FKBP5: variants seen among roughly 807,000 people sequenced by gnomAD.
FKBP5 encodes FKBP prolyl isomerase 5.
A neutral mutation model predicts 50.5 loss-of-function variants in FKBP5; 23 were observed. That is an observed-to-expected ratio of 0.46 (90% CI 0.33 to 0.65). The LOEUF (loss-of-function observed/expected upper bound fraction) is 0.65, where lower values mean the gene tolerates loss of function less well. FKBP5 is among the 30% of genes least tolerant of loss of function. The pLI is 0.02. For synonymous variants in FKBP5, 176 were observed against 190.6 expected (o/e 0.92, Z 0.63); for missense variants, 411 against 553.1 (o/e 0.74, Z 2.58).
chr6:35,728,344 C>T (rs1023527193), intron 1 of FKBP5, among the ~76,000 whole-genome samples: 5 of 152,156 alleles, frequency 3.3e-5, no homozygotes, highest in African/African-American at 1.2e-4. Context: ...GGCCGGTTTG[C>T]GCATCCCTCT....
At position 35,579,419 on chromosome 6, in the gene FKBP5, T is replaced by A. The variant is rs1037410073; in HGVS notation, c.1026+617A>T. 4.6e-5 allele frequency among the ~76,000 whole-genome samples: 7 copies of A among 152,144 alleles called. 1 individual carries two copies. The highest frequency in any genetic ancestry group is 1.7e-4 in the African/African-American group (7 of 41,422). On this transcript the variant is annotated intron_variant, in intron 9 of 10. Coordinates refer to ENST00000357266, the MANE Select transcript of FKBP5 (RefSeq NM_004117.4). Reference sequence around the variant, plus strand: ...ACTGTTCACTCTGAGACCAGATACCTAAAATAGTATCGGCTGGTGTATAAA... The same window carrying A: ...ACTGTTCACTCTGAGACCAGATACCAAAAATAGTATCGGCTGGTGTATAAA...
intron 1 of FKBP5, among the ~76,000 whole-genome samples, chr6:35,669,049 T>C (rs1232145982): frequency 1.3e-5 from 2 of 152,210 alleles, no homozygotes; most frequent in Admixed American, 6.5e-5. Context: ...TCAAAAAAAG[T>C]TTGATCAATT....
At chr6:35,675,342 C>T (rs1765498252) in intron 1 of FKBP5, among the ~76,000 whole-genome samples, 1 of 152,120 alleles carries the variant, frequency 6.6e-6, no homozygotes, top group African/African-American at 2.4e-5. Context: ...GAGGCCGAGG[C>T]GGGTGGATCA....
intron 6 of FKBP5, among the ~76,000 whole-genome samples, chr6:35,592,140 G>C (rs1280167428): frequency 6.6e-6 from 1 of 152,204 alleles, no homozygotes; most frequent in African/African-American, 2.4e-5. Flanking sequence ...CCCATTTGTT[G>C]CAAGCAAAGC....
chr6:35,625,667 C>T (rs930999525), intron 3 of FKBP5, among the ~76,000 whole-genome samples: 9 of 147,526 alleles, frequency 6.1e-5, no homozygotes, highest in African/African-American at 1.2e-4. Context: ...ACCCGGGAGG[C>T]GGAGCTTTCA....
chr6:35,634,977 C>A (rs1356585021), intron 3 of FKBP5, among the ~76,000 whole-genome samples: 4 of 144,794 alleles, frequency 2.8e-5, no homozygotes, highest in Non-Finnish European at 6.0e-5. Context: ...ATTGCTTGAG[C>A]CCAGGAGTTC....
intron 2 of FKBP5, among the ~76,000 whole-genome samples, chr6:35,707,476 C>T (rs1379812893): frequency 6.6e-6 from 1 of 152,100 alleles, no homozygotes; most frequent in African/African-American, 2.4e-5. Context: ...CCGCCTCGGC[C>T]TCCCAAAGTG....
At chr6:35,606,956 T>G (rs983875352) in intron 5 of FKBP5, among the ~76,000 whole-genome samples, 2 of 152,200 alleles carry the variant, frequency 1.3e-5, no homozygotes, top group Non-Finnish European at 2.9e-5. Context: ...TTGTTTGTTT[T>G]TTGAGACAGA....
rs149376289 is a variant in FKBP5 at position 35,670,195 on chromosome 6, T to C, written c.-20+18609A>G. Among the ~76,000 whole-genome samples, 73 of 152,336 alleles carry C rather than the reference T, an allele frequency of 4.8e-4. No homozygotes were observed. In the East Asian group the frequency reaches 7.9e-3, roughly 16 times the overall value. On this transcript the variant is annotated intron_variant, in intron 1 of 10. Transcript: ENST00000357266. ...TATAAAAAATGAAGGTTCTAAAAGG[T>C]ATCTTTGCTGTTTTAGAGTTAATTA...
chr6:35,638,013 T>G (rs967262019), intron 2 of FKBP5, among the ~76,000 whole-genome samples: 2 of 152,204 alleles, frequency 1.3e-5, no homozygotes, highest in Non-Finnish European at 2.9e-5. Flanking sequence ...GTAAAAAACA[T>G]GAGTATCATT....
At chr6:35,615,056 G>A (rs376616745) in intron 5 of FKBP5, among the ~76,000 whole-genome samples, 8 of 151,668 alleles carry the variant, frequency 5.3e-5, no homozygotes, top group African/African-American at 1.2e-4. Context: ...CCTGGGAGGC[G>A]GAAGTTGCAG....
chr6:35,648,012 T>C (rs1185599293), intron 1 of FKBP5, among the ~76,000 whole-genome samples: 1 of 152,168 alleles, frequency 6.6e-6, no homozygotes, highest in Non-Finnish European at 1.5e-5. Context: ...GTTTCTTAAG[T>C]ATTTTTCTAA....
chr6:35,615,539 AAAAT>A (rs1176995661), intron 5 of FKBP5, among the ~76,000 whole-genome samples: 1 of 152,246 alleles, frequency 6.6e-6, no homozygotes, highest in African/African-American at 2.4e-5. Flanking sequence ...TGTGAACAAC[AAAAT>A]AAATAAGAAT....
intron 5 of FKBP5, among the ~76,000 whole-genome samples, chr6:35,599,283 G>C (rs1010123583): frequency 1.4e-4 from 21 of 152,028 alleles, no homozygotes; most frequent in Admixed American, 1.3e-3. Context: ...TCTATGACCT[G>C]GTAATATCAC....
chr6:35,633,837 T>G (rs1295146059), intron 3 of FKBP5, among the ~76,000 whole-genome samples: 3 of 152,090 alleles, frequency 2.0e-5, no homozygotes, highest in Admixed American at 2.0e-4. Context: ...TTAAGTGGCT[T>G]ACTCATGTTA....
At chr6:35,616,126 C>T (rs1763647838) in intron 5 of FKBP5, among the ~76,000 whole-genome samples, 1 of 151,846 alleles carries the variant, frequency 6.6e-6, no homozygotes, top group Non-Finnish European at 1.5e-5. Flanking sequence ...CCAGCCTGAC[C>T]AACATGTTAG....
chr6:35,699,969 C>G (rs755307212), intron 2 of FKBP5, among the ~76,000 whole-genome samples: 1 of 151,808 alleles, frequency 6.6e-6, no homozygotes. Flanking sequence ...ATAGATTGAA[C>G]CCAGGAGGCA....
chr6:35,656,476 G>T (rs892856027), intron 1 of FKBP5, among the ~76,000 whole-genome samples: 1 of 152,158 alleles, frequency 6.6e-6, no homozygotes, highest in African/African-American at 2.4e-5. Context: ...ATTTCCAAGG[G>T]ATAGAAAGTT....
intron 2 of FKBP5, among the ~76,000 whole-genome samples, chr6:35,700,050 G>GA (rs1393890412): frequency 3.3e-5 from 5 of 151,916 alleles, no homozygotes; most frequent in East Asian, 1.9e-4. Context: ...CTGTCCAAAA[G>GA]AAAAAAATGC....
Sources: allele counts gnomAD v4.1 joint callset (sites outside exome capture counted in the v4.1 genomes callset), GRCh38; gene constraint gnomAD v4.1.1; transcripts MANE v1.5; gene names NCBI Gene and HGNC (gene_info 2026-07-23, HGNC 2026-07-21).